DTL: variants seen among roughly 807,000 people sequenced by gnomAD.
DTL encodes denticleless protein homolog.
Under a neutral mutation model 87.0 loss-of-function variants are expected in DTL, and 46 were observed. The ratio of observed to expected loss-of-function variants is 0.53; its 90% confidence interval spans 0.42 to 0.68. DTL has a LOEUF of 0.68. Among genes scored for constraint, DTL ranks in the 30% least tolerant of loss-of-function variants. DTL has a pLI of 0.00. For synonymous variants in DTL, 308 were observed against 311.2 expected (o/e 0.99, Z 0.11); for missense variants, 737 against 869.4 (o/e 0.85, Z 1.91).
Position 212,103,625 on chromosome 1 carries a change from C to G in DTL, c.*685C>G, listed in dbSNP as rs1476959027. 1 of 152,114 alleles carries G rather than the reference C, an allele frequency of 6.6e-6. No homozygotes were observed. The highest frequency in any genetic ancestry group is 1.5e-5 in the Non-Finnish European group (1 of 68,012). 9.4% of individuals were successfully genotyped at this position (152,114 alleles called of 1,614,324 possible). A position where few individuals can be genotyped will look rare whatever the true frequency, so the allele number is the denominator to read the frequency against. On this transcript the variant is annotated 3_prime_UTR_variant, in exon 15 of 15. Transcript: ENST00000366991. ...AGAAAGCTGTGTTTGTCTTTTTTCT[C>G]TCAAATATATCTCCCGTATGAGATT...
At position 212,102,857 on chromosome 1, in the gene DTL, A is replaced by G. The variant is rs772327087; in HGVS notation, c.2110A>G (p.Ser704Gly). 5 of 1,612,090 alleles carry G rather than the reference A, an allele frequency of 3.1e-6. No homozygotes were observed. In the South Asian group the frequency reaches 5.5e-5, roughly 18 times the overall value. The part of the protein sequence containing the change: ...KLPSPVTITP[S>G]SMRKICTYFH... ...CTTCTTCTAGGTCACCATCACGCCC[A>G]GCTCCATGAGGAAAATCTGCACATA... Residue 704 changes from serine (S) to glycine (G), a missense_variant, in exon 15 of 15, where the codon AGC (serine) becomes GGC (glycine). By Grantham distance (56) the Ser-to-Gly change is moderately conservative. Transcript: ENST00000366991.
Position 212,035,807 on chromosome 1 carries a change from TGA to T in DTL, c.-80_-79del. The stretch of plus-strand genomic sequence containing the variant: ...TTGGAGGCGATAACGATTTGTGTTG[TGA>T]GAGGCGCAAGCTGCGATTTCTGCTG... On this transcript the variant is annotated 5_prime_UTR_variant, in exon 1 of 15. Coordinates refer to ENST00000366991, the MANE Select transcript of DTL (RefSeq NM_016448.4). 1 of 1,362,392 alleles carries T rather than the reference TGA, an allele frequency of 7.3e-7. No homozygotes were observed. The highest frequency in any genetic ancestry group is 1.0e-6 in the Non-Finnish European group (1 of 962,512). The allele number at this position is 1,362,392 out of a possible 1,614,324, so 84.4% of individuals were successfully genotyped here. A position where few individuals can be genotyped will look rare whatever the true frequency, so the allele number is the denominator to read the frequency against.
intron 13 of DTL, among the ~76,000 whole-genome samples, chr1:212,088,824 C>T (rs12567425): frequency 0.07 from 10,672 of 152,274 alleles, 479 homozygotes; most frequent in Admixed American, 0.14. Context: ...CGGTGGCTCA[C>T]GCCTGTAATC....
Position 212,062,886 on chromosome 1 carries a change from G to A in DTL, c.463G>A (p.Val155Ile), listed in dbSNP as rs1340683883. The A allele has an allele frequency of 3.7e-6, 6 of 1,612,800 alleles. No homozygotes were observed. In the Admixed American group the frequency reaches 1.0e-4, roughly 27 times the overall value. The change falls in exon 6 of 15, where the codon GTA becomes ATA. Residue 155 changes from valine (V) to isoleucine (I), a missense_variant and splice_region_variant. Val to Ile is a conservative substitution (Grantham distance 29, BLOSUM62 3). Coordinates refer to ENST00000366991, the MANE Select transcript of DTL (RefSeq NM_016448.4). The part of the protein sequence containing the change: ...SVAFSKFEKA[V>I]FCTGGRDGNI... ...ATAATCTGTTTATTTCCCCACAGCT[G>A]TATTCTGTACGGGTGGAAGAGATGG...
intron 11 of DTL, among the ~76,000 whole-genome samples, chr1:212,075,269 T>A (rs560077281): frequency 1.3e-5 from 2 of 152,196 alleles, no homozygotes; most frequent in African/African-American, 2.4e-5. Context: ...CTTCTAGAGG[T>A]ACCTTCTTAG....
chr1:212,078,237 GCTGGTGTCCATCTGACTTCA>G lies in DTL; in HGVS notation c.1102_1121del (p.Trp368LysfsTer7). On this transcript the variant is annotated frameshift_variant, in exon 12 of 15. Transcript: ENST00000366991. LOFTEE classifies it high-confidence loss of function. ...CATTCTCAAGAGGTCACGTCTGTGT[GCTGGTGTCCATCTGACTTCA>G]CAAAGGTTTGTAAATGAATCTCTAT... 6.2e-7 allele frequency: 1 copy of G among 1,611,418 alleles called. No homozygotes were observed. The highest frequency in any genetic ancestry group is 8.5e-7 in the Non-Finnish European group (1 of 1,177,872).
At chr1:212,042,435 A>C (rs781544451) in intron 1 of DTL, among the ~76,000 whole-genome samples, 1 of 152,222 alleles carries the variant, frequency 6.6e-6, no homozygotes, top group African/African-American at 2.4e-5. Context: ...TTCACTTTAC[A>C]ATTTCTCTAA....
intron 5 of DTL, among the ~76,000 whole-genome samples, chr1:212,057,177 G>C (rs1041825212): frequency 6.6e-5 from 10 of 151,872 alleles, no homozygotes; most frequent in African/African-American, 2.2e-4. Flanking sequence ...AATTCAAAAA[G>C]GTTTTTTTTC....
At position 212,080,762 on chromosome 1, in the gene DTL, A is replaced by G. The variant is rs775614463; in HGVS notation, c.1261+12A>G. 5.0e-6 allele frequency: 8 copies of G among 1,611,942 alleles called. No individual in the cohort carries two copies. Among genetic ancestry groups the G allele is most frequent in the African/African-American group, 2.7e-5 (2 of 74,784 alleles). Reference sequence around the variant, plus strand: ...AAGACCTGGCCTAGGTAAGGATATCATATACTTTCCAAGTTTTTTATGGTT... The same window carrying G: ...AAGACCTGGCCTAGGTAAGGATATCGTATACTTTCCAAGTTTTTTATGGTT... On this transcript the variant is annotated intron_variant, in intron 13 of 14. Coordinates refer to ENST00000366991, the MANE Select transcript of DTL (RefSeq NM_016448.4).
intron 11 of DTL, among the ~76,000 whole-genome samples, chr1:212,075,472 G>A (rs1372592630): frequency 2.6e-5 from 4 of 151,978 alleles, no homozygotes; most frequent in African/African-American, 4.8e-5. Flanking sequence ...ATGAAGTTAC[G>A]TAATTATGAT....
chr1:212,064,815 C>T, intron 6 of DTL, 102 bp from the exon 7 acceptor site: 2 of 924,458 alleles, frequency 2.2e-6, no homozygotes, highest in South Asian at 1.5e-5. Context: ...TCTAATTTCA[C>T]CAACTTGGTC....
chr1:212,036,025 T>TC (rs3215984), intron 1 of DTL, 83 bp downstream of exon 1: 503,143 of 1,331,244 alleles, frequency 0.38, 102,614 homozygotes, highest in Middle Eastern at 0.43. Context: ...CAGGGCCGAC[T>TC]CCAATTCTGA....
At position 212,100,844 on chromosome 1, in the gene DTL, C is replaced by A; in HGVS notation, c.1854C>A (p.Ile618=). The A allele has an allele frequency of 6.2e-7, 1 of 1,614,140 alleles. No individual in the cohort carries two copies. Among genetic ancestry groups the A allele is most frequent in the Non-Finnish European group, 8.5e-7 (1 of 1,180,022 alleles). ...AAATTGAAGGAGCTGGTACCAGTAT[C>A]TCAGAGCCTCCGTCTCCTATCAGTC... The part of the protein sequence containing the change: ...SSKIEGAGTS[I]SEPPSPISPY... The change falls in exon 14 of 15, where the codon ATC becomes ATA. Residue 618 remains isoleucine (I), a synonymous_variant. Coordinates refer to ENST00000366991, the MANE Select transcript of DTL (RefSeq NM_016448.4).
intron 2 of DTL, among the ~76,000 whole-genome samples, chr1:212,044,337 G>T (rs374272017): frequency 1.3e-5 from 2 of 152,272 alleles, no homozygotes; most frequent in African/African-American, 4.8e-5. Context: ...AGGCATGGTG[G>T]CTCACGCCTG....
At chr1:212,057,757 A>G (rs1278702504) in intron 5 of DTL, among the ~76,000 whole-genome samples, 1 of 152,206 alleles carries the variant, frequency 6.6e-6, no homozygotes, top group Admixed American at 6.5e-5. Context: ...GAATGTAAAC[A>G]TGTTAAACTT....
chr1:212,084,856 C>A (rs1655083460), intron 13 of DTL, among the ~76,000 whole-genome samples: 1 of 151,992 alleles, frequency 6.6e-6, no homozygotes, highest in African/African-American at 2.4e-5. Flanking sequence ...TGCAGTTGTC[C>A]CTCAGGATCC....
intron 13 of DTL, among the ~76,000 whole-genome samples, chr1:212,099,094 C>A (rs1655535051): frequency 6.6e-6 from 1 of 152,194 alleles, no homozygotes; most frequent in Non-Finnish European, 1.5e-5. Flanking sequence ...CAGGGCTCTT[C>A]CTGCTGCTGC....
At chr1:212,061,767 T>C (rs1558078037) in intron 5 of DTL, among the ~76,000 whole-genome samples, 1 of 152,126 alleles carries the variant, frequency 6.6e-6, no homozygotes, top group African/African-American at 2.4e-5. Flanking sequence ...AAAAGATAAA[T>C]TTCACATGTT....
At chr1:212,055,271 A>C (rs140527721) in intron 5 of DTL, among the ~76,000 whole-genome samples, 2 of 151,632 alleles carry the variant, frequency 1.3e-5, no homozygotes, top group African/African-American at 4.9e-5. Flanking sequence ...CAGCAGCCCA[A>C]ATACCCACTG....
Sources: gnomAD v4.1 joint callset for allele counts (sites outside exome capture counted in the v4.1 genomes callset) on GRCh38, gnomAD v4.1.1 for gene constraint, MANE v1.5 for transcripts, NCBI Gene and HGNC (gene_info 2026-07-23, HGNC 2026-07-21) for gene names.